The following NXPH1 variants were observed in gnomAD, a reference collection of about 807,000 sequenced individuals.
NXPH1 encodes neurexophilin 1, also known as neurexophilin-1.
Under a neutral mutation model 23.7 loss-of-function variants are expected in NXPH1, and 5 were observed. The ratio of observed to expected loss-of-function variants is 0.21; its 90% CI spans 0.11 to 0.44. NXPH1 has a LOEUF of 0.44. Ranked by LOEUF, NXPH1 falls within the 20% of genes least tolerant of loss-of-function variation. NXPH1 has a pLI of 0.99. For synonymous variants in NXPH1, 144 were observed against 122.2 expected (o/e 1.18, Z -1.18); for missense variants, 324 against 321.6 (o/e 1.01, Z -0.06).
intron 2 of NXPH1, among the ~76,000 whole-genome samples, chr7:8,693,741 A>G (rs1441997857): frequency 2.0e-5 from 3 of 152,062 alleles, no homozygotes; most frequent in African/African-American, 7.2e-5. Flanking sequence ...ACAGAAAATC[A>G]CTCCCGTACA....
intron 2 of NXPH1, among the ~76,000 whole-genome samples, chr7:8,514,893 T>TGTA (rs1158176759): frequency 6.6e-6 from 1 of 152,148 alleles, no homozygotes; most frequent in African/African-American, 2.4e-5. Context: ...TTTACTTTAC[T>TGTA]GTCTTAGTTT....
intron 2 of NXPH1, among the ~76,000 whole-genome samples, chr7:8,649,957 C>T (rs1820464280): frequency 6.6e-6 from 1 of 152,114 alleles, no homozygotes; most frequent in Non-Finnish European, 1.5e-5. Context: ...TAAGGAGGGA[C>T]TGAAATACTA....
At position 8,702,517 on chromosome 7, in the gene NXPH1, A is replaced by G. The variant is rs535113908; in HGVS notation, c.55-48491A>G. On this transcript the variant is annotated intron_variant, in intron 2 of 2. Transcript: ENST00000405863. ...TAGTCATGGGCCTTACTGAACTATT[A>G]TATATGTGCCTTACATAGACTGGTT... 2.2e-4 allele frequency among the ~76,000 whole-genome samples: 34 copies of G among 152,210 alleles called. No individual in the cohort carries two copies. In the South Asian group the frequency reaches 6.0e-3, roughly 27 times the overall value.
intron 2 of NXPH1, among the ~76,000 whole-genome samples, chr7:8,489,475 C>T (rs985746115): frequency 1.3e-5 from 2 of 152,082 alleles, no homozygotes; most frequent in Non-Finnish European, 2.9e-5. Context: ...GCTATTCTCA[C>T]ATTTAGTGTC....
intron 2 of NXPH1, among the ~76,000 whole-genome samples, chr7:8,750,715 T>G (rs1780548726): frequency 6.6e-6 from 1 of 152,216 alleles, no homozygotes; most frequent in South Asian, 2.1e-4. Context: ...TTAGTAGTTT[T>G]TCCACCCACA....
chr7:8,673,529 G>T (rs993174883), intron 2 of NXPH1, among the ~76,000 whole-genome samples: 3 of 152,160 alleles, frequency 2.0e-5, no homozygotes, highest in Admixed American at 1.3e-4. Flanking sequence ...AGAGTTAAGT[G>T]CAGTGCTGGG....
At chr7:8,729,125 A>G (rs1325357085) in intron 2 of NXPH1, among the ~76,000 whole-genome samples, 8 of 151,980 alleles carry the variant, frequency 5.3e-5, no homozygotes, top group South Asian at 4.1e-4. Flanking sequence ...GTTTATTTGC[A>G]TAGAGGTGTT....
intron 2 of NXPH1, among the ~76,000 whole-genome samples, chr7:8,461,843 A>AAAAAAAAAAGAAAAAG (rs758426131): frequency 1.6e-5 from 2 of 121,452 alleles, no homozygotes; most frequent in East Asian, 3.0e-4. Context: ...TCTCAAAAAA[A>AAAAAAAAAAGAAAAAG]AAAAAAAAGA....
At chr7:8,601,112 C>T (rs995493224) in intron 2 of NXPH1, among the ~76,000 whole-genome samples, 2 of 152,082 alleles carry the variant, frequency 1.3e-5, no homozygotes, top group Non-Finnish European at 2.9e-5. Context: ...TTGGTATCCA[C>T]AGGAGGTCCT....
intron 2 of NXPH1, among the ~76,000 whole-genome samples, chr7:8,556,674 A>G (rs976677019): frequency 9.2e-5 from 14 of 151,684 alleles, no homozygotes; most frequent in African/African-American, 3.1e-4. Flanking sequence ...ATTGCAGAAA[A>G]CCACACTTGT....
chr7:8,482,309 G>C (rs1245215929), intron 2 of NXPH1, among the ~76,000 whole-genome samples: 2 of 152,154 alleles, frequency 1.3e-5, no homozygotes, highest in Non-Finnish European at 2.9e-5. Flanking sequence ...TGAAATGAGG[G>C]TGGCTTCATT....
At chr7:8,507,295 T>C (rs1337232261) in intron 2 of NXPH1, among the ~76,000 whole-genome samples, 1 of 151,586 alleles carries the variant, frequency 6.6e-6, no homozygotes, top group Non-Finnish European at 1.5e-5. Context: ...AGATGAAGAA[T>C]TTGAAGGTGA....
At chr7:8,587,773 A>C (rs1395593174) in intron 2 of NXPH1, among the ~76,000 whole-genome samples, 1 of 152,070 alleles carries the variant, frequency 6.6e-6, no homozygotes, top group Non-Finnish European at 1.5e-5. Flanking sequence ...GCTGAGAATG[A>C]TAGTTTCCGG....
intron 2 of NXPH1, among the ~76,000 whole-genome samples, chr7:8,558,964 C>G (rs1818401309): frequency 6.6e-6 from 1 of 151,536 alleles, no homozygotes; most frequent in Non-Finnish European, 1.5e-5. Context: ...ATATTGGGAT[C>G]TTTTTATTTT....
chr7:8,493,131 G>A (rs1584191668), intron 2 of NXPH1, among the ~76,000 whole-genome samples: 1 of 151,966 alleles, frequency 6.6e-6, no homozygotes. Flanking sequence ...GTGATTAAGG[G>A]GTTGTGGCCC....
chr7:8,526,769 C>T (rs1327251168), intron 2 of NXPH1, among the ~76,000 whole-genome samples: 2 of 152,170 alleles, frequency 1.3e-5, no homozygotes, highest in Admixed American at 1.3e-4. Flanking sequence ...GATTCTGAGG[C>T]CTCCCCAGCC....
chr7:8,470,613 G>T (rs6463813), intron 2 of NXPH1, among the ~76,000 whole-genome samples: 1 of 151,974 alleles, frequency 6.6e-6, no homozygotes, highest in Admixed American at 6.6e-5. Context: ...TGAAGTGTCA[G>T]ACCTTTACTG....
At chr7:8,666,575 C>A (rs1452643549) in intron 2 of NXPH1, among the ~76,000 whole-genome samples, 1 of 151,936 alleles carries the variant, frequency 6.6e-6, no homozygotes, top group African/African-American at 2.4e-5. Flanking sequence ...ATTCCAATTT[C>A]TTTAATTTAT....
At chr7:8,657,070 A>G (rs12539746) in intron 2 of NXPH1, among the ~76,000 whole-genome samples, 8,152 of 152,296 alleles carry the variant, frequency 0.054, 398 homozygotes, top group East Asian at 0.18. Context: ...ATGATGTCCT[A>G]ACTGTTATAG....
Sources: allele counts gnomAD v4.1 joint callset (sites outside exome capture counted in the v4.1 genomes callset), GRCh38; gene constraint gnomAD v4.1.1; transcripts MANE v1.5; gene names NCBI Gene and HGNC (gene_info 2026-07-23, HGNC 2026-07-21).